INSL6: variants seen among roughly 807,000 people sequenced by gnomAD.
INSL6 encodes insulin-like peptide INSL6.
Under a neutral mutation model 9.4 loss-of-function variants are expected in INSL6, and 16 were observed. The observed-to-expected ratio is 1.70, with a 90% confidence interval of 1.15 to 2.59. The LOEUF (loss-of-function observed/expected upper bound fraction) is 2.59. INSL6 is among the 30% of genes most tolerant of loss of function. The pLI, the probability that INSL6 is intolerant of heterozygous loss-of-function variation, is 0.00. For synonymous variants in INSL6, 154 were observed against 96.9 expected, an observed-to-expected ratio of 1.59 and a Z score of -3.46; for missense variants, 391 against 257.3, an observed-to-expected ratio of 1.52 and a Z score of -3.56.
chr9:5,128,819 G>GGTAA (rs1264054582), intron 3 of INSL6, among the ~76,000 whole-genome samples: 3 of 151,860 alleles, frequency 2.0e-5, no homozygotes, highest in Non-Finnish European at 4.4e-5. Flanking sequence ...ACAAGAAACA[G>GGTAA]GTAAGTAATT....
At chr9:5,063,932 C>A in the INSL6 span, among the ~76,000 whole-genome samples, 2 of 152,112 alleles carry the variant, frequency 1.3e-5, no homozygotes, top group African/African-American at 2.4e-5. Context: ...CCAAGGCGGG[C>A]GGATCATTAG....
At chr9:5,038,176 C>T in the INSL6 span, among the ~76,000 whole-genome samples, 16 of 151,858 alleles carry the variant, frequency 1.1e-4, no homozygotes, top group African/African-American at 3.9e-4. Context: ...GTTTTTAATG[C>T]CAACAAATTA....
the INSL6 span, among the ~76,000 whole-genome samples, chr9:5,036,413 T>C: frequency 6.6e-6 from 1 of 152,086 alleles, no homozygotes; most frequent in African/African-American, 2.4e-5. Context: ...GAGCCCACAT[T>C]GCCAAGTCAA....
chr9:5,159,967 G>A, downstream of INSL6, among the ~76,000 whole-genome samples: 2 of 152,168 alleles, frequency 1.3e-5, no homozygotes, highest in Non-Finnish European at 2.9e-5. Context: ...CTGAGGTCAG[G>A]AGTTTGAGAC....
intron 2 of INSL6, among the ~76,000 whole-genome samples, chr9:5,151,418 G>T (rs564776362): frequency 2.1e-4 from 32 of 151,318 alleles, no homozygotes; most frequent in Admixed American, 5.3e-4. Flanking sequence ...AAAGACAATT[G>T]ATTAAAACAA....
At chr9:5,111,866 G>A in the INSL6 span, 1 of 383,284 alleles carries the variant, frequency 2.6e-6, no homozygotes, top group South Asian at 2.0e-5. Flanking sequence ...CTGGGCTCCC[G>A]AGGGACCACA....
At chr9:5,061,266 C>G in the INSL6 span, among the ~76,000 whole-genome samples, 2 of 152,220 alleles carry the variant, frequency 1.3e-5, no homozygotes, top group South Asian at 4.1e-4. Context: ...TCAGCCTATC[C>G]TTTGAAGTTT....
chr9:5,055,932 T>C, the INSL6 span: 1 of 672,656 alleles, frequency 1.5e-6, no homozygotes, highest in Non-Finnish European at 2.4e-6. Context: ...TTCAGTAAAC[T>C]TTTTGATAAC....
At chr9:5,110,795 G>A in the INSL6 span, 1 of 410,958 alleles carries the variant, frequency 2.4e-6, no homozygotes. Context: ...CGGGCCACGC[G>A]CGACGCCTGG....
intron 2 of INSL6, among the ~76,000 whole-genome samples, chr9:5,143,754 G>C (rs949535812): frequency 4.6e-5 from 7 of 151,778 alleles, no homozygotes; most frequent in Non-Finnish European, 8.8e-5. Flanking sequence ...CCACCTGCTG[G>C]GTTCAAGCGA....
At chr9:5,133,820 G>C (rs1824336811) in intron 2 of INSL6, among the ~76,000 whole-genome samples, 1 of 151,844 alleles carries the variant, frequency 6.6e-6, no homozygotes, top group Non-Finnish European at 1.5e-5. Flanking sequence ...CGCTAGCAAG[G>C]GAACAAAACT....
At chr9:5,150,711 C>T (rs578171531) in intron 2 of INSL6, among the ~76,000 whole-genome samples, 4 of 152,244 alleles carry the variant, frequency 2.6e-5, no homozygotes, top group South Asian at 2.1e-4. Context: ...AGCAAACTCA[C>T]TACTGCATGT....
the INSL6 span, chr9:5,096,612 T>G: frequency 1.2e-4 from 18 of 152,294 alleles, 1 homozygote; most frequent in African/African-American, 4.1e-4. Flanking sequence ...TTGACCTCTG[T>G]CTTTAGATTT....
chr9:5,041,887 A>C, the INSL6 span: 1 of 425,178 alleles, frequency 2.4e-6, no homozygotes, highest in South Asian at 1.8e-5. Flanking sequence ...AGCGCCCATC[A>C]GGGCGCCTGC....
the INSL6 span, among the ~76,000 whole-genome samples, chr9:5,037,601 G>A: frequency 0.09 from 13,660 of 151,904 alleles, 1,848 homozygotes; most frequent in African/African-American, 0.3. Context: ...GCAAACTATC[G>A]CAAGGACAAA....
At chr9:5,054,223 T>C in the INSL6 span, among the ~76,000 whole-genome samples, 2 of 152,044 alleles carry the variant, frequency 1.3e-5, no homozygotes, top group Non-Finnish European at 2.9e-5. This position sits in a 1 kb window ranked among gnomAD's most constrained non-coding sequence, Gnocchi z 4.9. Context: ...AATATTATCT[T>C]ATAAACCATT....
chr9:5,185,369 G>C lies in INSL6; in HGVS notation c.234C>G (p.Tyr78Ter), dbSNP rs778719232. ...AAGCGGTTTGCGGGCTTTCGAACTG[G>C]TATGGGCTGTAGGCTTCGACCTTCT... ...ASEKVEAYSPYQFESPQTASP... is the reference protein window; with the variant it reads ...ASEKVEAYSP Residue 78 changes from tyrosine (Y) to a stop codon, truncating the protein, a stop_gained, in exon 1 of 2, where the codon TAC becomes TAG. Transcript: ENST00000381641. LOFTEE classifies it high-confidence loss of function. 2 of 1,614,154 alleles carry C rather than the reference G, an allele frequency of 1.2e-6. No individual in the cohort carries two copies. Among genetic ancestry groups the C allele is most frequent in the South Asian group, 1.1e-5 (1 of 91,072 alleles).
At chr9:5,139,032 A>G (rs950411368) in intron 2 of INSL6, among the ~76,000 whole-genome samples, 3 of 152,198 alleles carry the variant, frequency 2.0e-5, no homozygotes, top group African/African-American at 7.2e-5. Context: ...ACCATATGTT[A>G]TATTACTGTG....
rs557477234 is a variant in INSL6 at position 5,152,008 on chromosome 9, T to C, written c.376+12171A>G. 8.4e-4 allele frequency among the ~76,000 whole-genome samples: 128 copies of C among 152,096 alleles called. 1 individual carries two copies. Among genetic ancestry groups the C allele is most frequent in the Admixed American group, 3.7e-3 (57 of 15,274 alleles). ...GAATATTAGCAGTGATAAAAGGAAA[T>C]ATAATGACACAAGAATCAATTTACC... is the stretch of plus-strand genomic sequence containing the variant. On this transcript the variant is annotated intron_variant, in intron 2 of 3. Coordinates refer to the INSL6 transcript ENST00000649639.
Sources: gnomAD v4.1 joint callset for allele counts (sites outside exome capture counted in the v4.1 genomes callset) on GRCh38, gnomAD v4.1.1 for gene constraint, Gnocchi (gnomAD v3.1) non-coding constraint, MANE v1.5 for transcripts, NCBI Gene and HGNC (gene_info 2026-07-23, HGNC 2026-07-21) for gene names.